CA10: variants seen among roughly 807,000 people sequenced by gnomAD.
The protein encoded by CA10 is carbonic anhydrase-related protein 10.
A neutral mutation model predicts 44.2 loss-of-function variants in CA10; 14 were observed. The observed-to-expected ratio is 0.32, with a 90% CI of 0.21 to 0.50. CA10 has a LOEUF of 0.50. Ranked by LOEUF, CA10 falls within the 20% of genes least tolerant of loss-of-function variation. The pLI is 0.99. For synonymous variants in CA10, 159 were observed against 141.6 expected (o/e 1.12, Z -0.87); for missense variants, 350 against 409.7 (o/e 0.85, Z 1.26).
chr17:51,998,521 TTTCTC>T (rs1349202995), intron 2 of CA10, among the ~76,000 whole-genome samples: 1 of 152,064 alleles, frequency 6.6e-6, no homozygotes, highest in Non-Finnish European at 1.5e-5. Context: ...CTCGAGTGGA[TTTCTC>T]TTCTCATTTT....
intron 2 of CA10, among the ~76,000 whole-genome samples, chr17:52,036,154 G>A (rs1353272380): frequency 2.0e-5 from 3 of 152,258 alleles, no homozygotes; most frequent in Non-Finnish European, 2.9e-5. Flanking sequence ...GGTGTCCACC[G>A]TTATAATGTA....
chr17:51,666,187 G>A (rs966063310), intron 4 of CA10, among the ~76,000 whole-genome samples: 5 of 152,232 alleles, frequency 3.3e-5, no homozygotes, highest in Admixed American at 6.5e-5. Flanking sequence ...ATGAAAAGAG[G>A]GAAGACCTTA....
intron 3 of CA10, among the ~76,000 whole-genome samples, chr17:51,919,140 C>A: frequency 6.6e-6 from 1 of 152,002 alleles, no homozygotes; most frequent in East Asian, 1.9e-4. Context: ...TATTTCTTTT[C>A]TTTTCTGAGG....
At chr17:51,745,109 T>G (rs1312650086) in intron 4 of CA10, among the ~76,000 whole-genome samples, 1 of 152,194 alleles carries the variant, frequency 6.6e-6, no homozygotes, top group Non-Finnish European at 1.5e-5. Flanking sequence ...TTAGTCTAGA[T>G]AGCATCCCAG....
chr17:52,138,902 A>G (rs1220221705), intron 1 of CA10, among the ~76,000 whole-genome samples: 1 of 152,240 alleles, frequency 6.6e-6, no homozygotes, highest in East Asian at 1.9e-4. Context: ...CCCAGTGGAC[A>G]CAGCCTCCTG....
intron 1 of CA10, among the ~76,000 whole-genome samples, chr17:52,100,476 C>A (rs575789315): frequency 5.9e-5 from 9 of 152,200 alleles, no homozygotes; most frequent in East Asian, 1.9e-4. Flanking sequence ...TAGTGGGACC[C>A]CACAAACTAC....
intron 4 of CA10, among the ~76,000 whole-genome samples, chr17:51,670,894 T>C (rs919277206): frequency 6.6e-6 from 1 of 152,170 alleles, no homozygotes; most frequent in Non-Finnish European, 1.5e-5. Flanking sequence ...AACAAGAGCT[T>C]GTGTCTGATG....
intron 3 of CA10, among the ~76,000 whole-genome samples, chr17:51,889,367 C>CA (rs1273814849): frequency 6.6e-6 from 1 of 151,842 alleles, no homozygotes; most frequent in African/African-American, 2.4e-5. Context: ...ACGAAAAATA[C>CA]AAAAAAATTA....
At chr17:51,756,415 GAGA>G (rs1458672902) in intron 3 of CA10, among the ~76,000 whole-genome samples, 1 of 151,846 alleles carries the variant, frequency 6.6e-6, no homozygotes, top group African/African-American at 2.4e-5. Context: ...CTCTTTAAAA[GAGA>G]AGAAGTCAGA....
In CA10 at chr17:52,158,011, T is replaced by C; in HGVS notation, c.-225A>G. 5 of 590,696 alleles carry C rather than the reference T, an allele frequency of 8.5e-6. 1 individual carries two copies. The highest frequency in any genetic ancestry group is 7.7e-5 in the South Asian group (4 of 52,230). 36.6% of individuals were successfully genotyped at this position (590,696 alleles called of 1,614,324 possible). On this transcript the variant is annotated 5_prime_UTR_variant, in exon 1 of 9. Coordinates refer to ENST00000451037, the MANE Select transcript of CA10 (RefSeq NM_020178.5). ...GCTCGACGGATGTGCGCCCCAGATGTGCTGACACATGTCCGATGCCTCGCT... is the reference window on the plus strand; with the variant it reads ...GCTCGACGGATGTGCGCCCCAGATGCGCTGACACATGTCCGATGCCTCGCT...
chr17:51,689,952 A>AC (rs1915132952), intron 4 of CA10, among the ~76,000 whole-genome samples: 1 of 145,120 alleles, frequency 6.9e-6, no homozygotes, highest in African/African-American at 2.5e-5. Flanking sequence ...ACTCTTACCG[A>AC]TTTTTTTTTT....
At chr17:51,765,703 GTGTGTGTGTGTGTGTGTGTGTA>G (rs1254726106) in intron 3 of CA10, among the ~76,000 whole-genome samples, 1 of 147,892 alleles carries the variant, frequency 6.8e-6, no homozygotes, top group Non-Finnish European at 1.5e-5. Flanking sequence ...GTGTGTGTGT[GTGTGTGTGTGTGTGTGTGTGTA>G]TGTGTGTGTG....
At chr17:51,834,449 C>T (rs1277738154) in intron 3 of CA10, among the ~76,000 whole-genome samples, 9 of 152,176 alleles carry the variant, frequency 5.9e-5, no homozygotes, top group Admixed American at 5.9e-4. Flanking sequence ...TGTACAATGG[C>T]AATTACTTAG....
chr17:51,768,862 C>T (rs1035018331), intron 3 of CA10, among the ~76,000 whole-genome samples: 4 of 152,032 alleles, frequency 2.6e-5, no homozygotes, highest in Non-Finnish European at 4.4e-5. Context: ...TCTCAAAACT[C>T]AATTTTGAGA....
At chr17:52,019,463 T>C (rs1410532779) in intron 2 of CA10, among the ~76,000 whole-genome samples, 6 of 152,122 alleles carry the variant, frequency 3.9e-5, no homozygotes, top group African/African-American at 1.4e-4. Flanking sequence ...TTATTTTGGT[T>C]TGGTTTTAAT....
chr17:51,653,972 T>C (rs952575046), intron 4 of CA10, among the ~76,000 whole-genome samples: 3 of 152,232 alleles, frequency 2.0e-5, no homozygotes, highest in Non-Finnish European at 2.9e-5. Context: ...CAAGCATGCT[T>C]TTCATAAGCT....
chr17:51,884,112 C>CAA (rs1334293065), intron 3 of CA10, among the ~76,000 whole-genome samples: 1 of 152,064 alleles, frequency 6.6e-6, no homozygotes, highest in Non-Finnish European at 1.5e-5. Context: ...AAATTATATC[C>CAA]AGATTCTGAA....
intron 3 of CA10, among the ~76,000 whole-genome samples, chr17:51,836,433 G>T (rs892717854): frequency 6.6e-6 from 1 of 152,198 alleles, no homozygotes; most frequent in Non-Finnish European, 1.5e-5. Flanking sequence ...GTCTGGTAAA[G>T]AAGTCAGGTT....
chr17:51,962,664 C>A (rs564253873), intron 2 of CA10, among the ~76,000 whole-genome samples: 3 of 152,156 alleles, frequency 2.0e-5, no homozygotes, highest in Non-Finnish European at 4.4e-5. Flanking sequence ...AAACAAAAAA[C>A]CATATTCAAC....
Sources: gnomAD v4.1 joint callset for allele counts (sites outside exome capture counted in the v4.1 genomes callset) on GRCh38, gnomAD v4.1.1 for gene constraint, MANE v1.5 for transcripts, NCBI Gene and HGNC (gene_info 2026-07-23, HGNC 2026-07-21) for gene names.